The following SETD3 variants were observed in gnomAD, a reference collection of about 807,000 sequenced individuals.
SETD3 encodes the protein SET domain containing 3, actin N3(tau)-histidine methyltransferase.
In SETD3, 19 loss-of-function variants were observed where a neutral mutation model predicts 63.0. That is an observed-to-expected ratio of 0.30 (90% confidence interval 0.21 to 0.44). The LOEUF is 0.44. Ranked by LOEUF, SETD3 falls within the 20% of genes least tolerant of loss-of-function variation. The probability of loss-of-function intolerance (pLI) is 1.00; values close to 1 mark genes in which losing one functional copy is unlikely to be tolerated. For synonymous variants in SETD3, 286 were observed against 264.1 expected (o/e 1.08, Z -0.80); for missense variants, 587 against 728.5 (o/e 0.81, Z 2.24).
intron 6 of SETD3, among the ~76,000 whole-genome samples, chr14:99,450,753 A>C (rs1305935698): frequency 6.6e-6 from 1 of 152,252 alleles, no homozygotes; most frequent in African/African-American, 2.4e-5. Context: ...CAAAAGAAGA[A>C]ATCCAAGTAA....
rs994113716 is a variant in SETD3, at chr14:99,463,676, C to T, written c.104-98G>A. The T allele has an allele frequency of 1.6e-5, 15 of 958,132 alleles. No homozygotes were observed. In the African/African-American group the frequency reaches 2.1e-4, roughly 14 times the overall value. 59.4% of individuals were successfully genotyped at this position (958,132 alleles called of 1,614,324 possible). ...GGATTTGGACTTTGTTGTTGCTGTT[C>T]TGGGGTTGGTTTATTTTTAAAAGAC... On this transcript the variant is annotated intron_variant, in intron 2 of 12. Coordinates refer to ENST00000331768, the MANE Select transcript of SETD3 (RefSeq NM_032233.3).
chr14:99,429,290 G>A (rs1893046740), intron 6 of SETD3, among the ~76,000 whole-genome samples: 2 of 152,058 alleles, frequency 1.3e-5, no homozygotes, highest in South Asian at 4.1e-4. Flanking sequence ...TTAAAAGGAT[G>A]AAGAAAAAAG....
At position 99,423,167 on chromosome 14, in the gene SETD3, G is replaced by T. The variant is rs139429871; in HGVS notation, c.676-9233C>A. ...GGGAGGTGTAAAGGCCTTTCAGAGGGAAGTAACAAAACTTCTTTGTTTATA... is the reference window on the plus strand; with the variant it reads ...GGGAGGTGTAAAGGCCTTTCAGAGGTAAGTAACAAAACTTCTTTGTTTATA... On this transcript the variant is annotated intron_variant, in intron 6 of 12. Coordinates refer to ENST00000331768, the MANE Select transcript of SETD3 (RefSeq NM_032233.3). 9.9e-4 allele frequency among the ~76,000 whole-genome samples: 150 copies of T among 152,284 alleles called. 1 individual carries two copies. Among genetic ancestry groups the T allele is most frequent in the African/African-American group, 3.5e-3 (144 of 41,570 alleles).
intron 1 of SETD3, among the ~76,000 whole-genome samples, chr14:99,466,676 A>T (rs796475832): frequency 6.6e-5 from 10 of 151,874 alleles, no homozygotes; most frequent in African/African-American, 2.4e-4. Flanking sequence ...AGGGAAGCAC[A>T]GTGAGGAAGG....
intron 6 of SETD3, among the ~76,000 whole-genome samples, chr14:99,423,252 CCT>C (rs1892684384): frequency 6.6e-6 from 1 of 151,900 alleles, no homozygotes; most frequent in Admixed American, 6.5e-5. Context: ...TTTTTTGTAT[CCT>C]CTGAGAAGGG....
At chr14:99,439,609 TTAAA>T (rs1893676082) in intron 6 of SETD3, among the ~76,000 whole-genome samples, 1 of 147,946 alleles carries the variant, frequency 6.8e-6, no homozygotes, top group Admixed American at 6.8e-5. Context: ...TATCTATGTA[TTAAA>T]TATATAAACA....
At chr14:99,449,834 G>A (rs1368874721) in intron 6 of SETD3, among the ~76,000 whole-genome samples, 1 of 152,154 alleles carries the variant, frequency 6.6e-6, no homozygotes, top group Non-Finnish European at 1.5e-5. Context: ...GTATATAGGA[G>A]TTCTGTGCAC....
intron 11 of SETD3, among the ~76,000 whole-genome samples, chr14:99,403,564 A>G (rs1233328324): frequency 1.3e-5 from 2 of 152,032 alleles, no homozygotes; most frequent in East Asian, 3.9e-4. Flanking sequence ...ATAAAAACAC[A>G]ACCACGAGAG....
At chr14:99,407,228 A>G (rs1287775882) in intron 8 of SETD3, among the ~76,000 whole-genome samples, 3 of 152,196 alleles carry the variant, frequency 2.0e-5, no homozygotes, top group African/African-American at 4.8e-5. Context: ...ACAAATAAAT[A>G]TAGAAAATCC....
chr14:99,486,266 TC>T, the SETD3 span, among the ~76,000 whole-genome samples: 1 of 152,372 alleles, frequency 6.6e-6, no homozygotes, highest in South Asian at 2.1e-4. Context: ...CCAGTCTTTT[TC>T]CCTTTCTCTA....
chr14:99,462,426 C>A lies in SETD3; in HGVS notation c.196+1060G>T, dbSNP rs1895120085. Reference sequence around the variant, plus strand: ...ATCTTACCACAGCATAATTAACAGTCAACCTGATATGTGAAGAGGGCATGC... The same window carrying A: ...ATCTTACCACAGCATAATTAACAGTAAACCTGATATGTGAAGAGGGCATGC... On this transcript the variant is annotated intron_variant, in intron 3 of 12. Coordinates refer to ENST00000331768, the MANE Select transcript of SETD3 (RefSeq NM_032233.3). Among the ~76,000 whole-genome samples the A allele has an allele frequency of 2.6e-5, 4 of 152,310 alleles. No individual in the cohort carries two copies. In the South Asian group the frequency reaches 8.3e-4, roughly 32 times the overall value.
At chr14:99,439,157 G>A (rs971351502) in intron 6 of SETD3, among the ~76,000 whole-genome samples, 2 of 152,322 alleles carry the variant, frequency 1.3e-5, no homozygotes, top group East Asian at 1.9e-4. Flanking sequence ...AGATTCAGGC[G>A]ACAGACTCAT....
At chr14:99,429,573 G>A (rs909227413) in intron 6 of SETD3, among the ~76,000 whole-genome samples, 1 of 152,150 alleles carries the variant, frequency 6.6e-6, no homozygotes, top group African/African-American at 2.4e-5. Context: ...ACCATTTCTT[G>A]TCTCTTTTGT....
chr14:99,413,274 G>A (rs1038860721), intron 7 of SETD3: 1 of 523,008 alleles, frequency 1.9e-6, no homozygotes, highest in African/African-American at 1.9e-5. Flanking sequence ...GAGTGTTTAA[G>A]GCAGACTGTT....
intron 6 of SETD3, among the ~76,000 whole-genome samples, chr14:99,435,251 A>G (rs930388138): frequency 2.0e-5 from 3 of 152,006 alleles, no homozygotes; most frequent in African/African-American, 7.3e-5. Context: ...GTATAGCTAT[A>G]TTTTTTTAGG....
rs1170536354 is a variant in SETD3, at chr14:99,399,076, A to G, written c.1388T>C (p.Met463Thr). 6.2e-6 allele frequency: 10 copies of G among 1,613,946 alleles called. No individual in the cohort carries two copies. In the Middle Eastern group the frequency reaches 9.9e-4, roughly 159 times the overall value. Residue 463 changes from methionine to threonine, a missense_variant, in exon 13 of 13, where the codon ATG (methionine) becomes ACG (threonine). Transcript: ENST00000331768. ...KNHDLSVRAK[M>T]AIKLRLGEKE... is the part of the protein sequence containing the mutation. ...CTCACCTAAGCGCAATTTGATGGCC[A>G]TTTTTGCACGAACAGAAAGATCGTG...
chr14:99,431,052 G>T (rs1411594524), intron 6 of SETD3, among the ~76,000 whole-genome samples: 1 of 152,198 alleles, frequency 6.6e-6, no homozygotes, highest in Non-Finnish European at 1.5e-5. Context: ...CTGTTTTACA[G>T]ATAAAAGGCC....
intron 12 of SETD3, 116 bp from the exon 13 acceptor site, chr14:99,399,241 T>G (rs1595134591): frequency 2.7e-6 from 2 of 747,438 alleles, no homozygotes; most frequent in Non-Finnish European, 4.4e-6. Context: ...TGACGGGAGG[T>G]TCTAACACTT....
intron 3 of SETD3, among the ~76,000 whole-genome samples, chr14:99,462,117 A>G (rs1016165082): frequency 1.6e-4 from 25 of 152,194 alleles, no homozygotes; most frequent in African/African-American, 6.0e-4. Context: ...AAACAAATAC[A>G]AAAACAAAAC....
Sources: allele counts gnomAD v4.1 joint callset (sites outside exome capture counted in the v4.1 genomes callset), GRCh38; gene constraint gnomAD v4.1.1; transcripts MANE v1.5; gene names NCBI Gene and HGNC (gene_info 2026-07-23, HGNC 2026-07-21).